Variants in RANBP17 observed in about 807,000 individuals in gnomAD.
RANBP17 encodes the protein RAN binding protein 17.
RANBP17 carries 158 observed loss-of-function variants against 141.2 expected under a neutral mutation model. That is an observed-to-expected ratio of 1.12 (90% confidence interval 0.98 to 1.28). The LOEUF (loss-of-function observed/expected upper bound fraction) is 1.28. Among genes scored for constraint, RANBP17 ranks in the 50% most tolerant of loss-of-function variants. The pLI is 0.00. For synonymous variants in RANBP17, 430 were observed against 450.0 expected (o/e 0.96, Z 0.56); for missense variants, 1,438 against 1,290.7 (o/e 1.11, Z -1.75).
intron 14 of RANBP17, among the ~76,000 whole-genome samples, chr5:171,136,790 C>G (rs1395551580): frequency 2.0e-5 from 3 of 152,126 alleles, no homozygotes; most frequent in African/African-American, 7.2e-5. Flanking sequence ...TAATTTTCCG[C>G]TTGATGTACA....
chr5:171,006,393 A>G (rs1480355806), intron 14 of RANBP17, among the ~76,000 whole-genome samples: 1 of 152,232 alleles, frequency 6.6e-6, no homozygotes, highest in Non-Finnish European at 1.5e-5. Context: ...TGGCACATAT[A>G]CACCATGGAA....
At chr5:171,294,394 C>G (rs911913981) in intron 26 of RANBP17, among the ~76,000 whole-genome samples, 11 of 152,176 alleles carry the variant, frequency 7.2e-5, no homozygotes, top group African/African-American at 2.7e-4. Flanking sequence ...CCTCACAGAA[C>G]CAGCACCCTT....
chr5:171,005,677 G>A (rs1779547130), intron 14 of RANBP17, among the ~76,000 whole-genome samples: 1 of 152,186 alleles, frequency 6.6e-6, no homozygotes, highest in Admixed American at 6.5e-5. Flanking sequence ...TCAGGATATA[G>A]GCATGGGCAA....
At chr5:171,271,963 T>C (rs1767143089) in intron 25 of RANBP17, among the ~76,000 whole-genome samples, 1 of 152,224 alleles carries the variant, frequency 6.6e-6, no homozygotes, top group African/African-American at 2.4e-5. Context: ...CAGTGGTTGA[T>C]GGGATAGAAA....
chr5:171,288,123 T>C (rs1404309450), intron 25 of RANBP17, among the ~76,000 whole-genome samples: 1 of 152,198 alleles, frequency 6.6e-6, no homozygotes, highest in Non-Finnish European at 1.5e-5. Flanking sequence ...CAGTGGACCA[T>C]TTTCCAGAGA....
intron 5 of RANBP17, among the ~76,000 whole-genome samples, chr5:170,907,437 G>A (rs1422157): frequency 0.6 from 91,193 of 151,764 alleles, 29,172 homozygotes; most frequent in South Asian, 0.9. Context: ...AAACTTCTTA[G>A]CTTCTTTAAA....
intron 14 of RANBP17, chr5:170,968,793 T>C: frequency 2.2e-6 from 1 of 448,658 alleles, no homozygotes; most frequent in Admixed American, 2.4e-5. Flanking sequence ...TAATGAGGAC[T>C]AGGAAAATTA....
At chr5:171,018,868 A>AT (rs1780638153) in intron 14 of RANBP17, among the ~76,000 whole-genome samples, 1 of 152,210 alleles carries the variant, frequency 6.6e-6, no homozygotes, top group Admixed American at 6.5e-5. Context: ...GCTTTTGCCC[A>AT]TTCAGTATGA....
At chr5:170,867,667 AT>A (rs1767374189) in intron 1 of RANBP17, among the ~76,000 whole-genome samples, 1 of 152,208 alleles carries the variant, frequency 6.6e-6, no homozygotes, top group Non-Finnish European at 1.5e-5. Context: ...ATTGAAGAGG[AT>A]TTTTGTGGCT....
rs761403403 is a variant in RANBP17, at chr5:170,896,030, C to A, written c.424-20C>A. ...ATCACTTGTCTCCACTTAGGCTAAA[C>A]TTTGTTATTTTCTCCAAAGGGTACT... On this transcript the variant is annotated intron_variant, in intron 4 of 27. Transcript: ENST00000523189. 6.5e-7 allele frequency: 1 copy of A among 1,541,844 alleles called. No individual in the cohort carries two copies. Among genetic ancestry groups the A allele is most frequent in the Admixed American group, 1.9e-5 (1 of 52,010 alleles).
At chr5:171,099,431 G>A (rs1190119679) in intron 14 of RANBP17, among the ~76,000 whole-genome samples, 2 of 152,138 alleles carry the variant, frequency 1.3e-5, no homozygotes, top group Non-Finnish European at 1.5e-5. Context: ...AGGAATGCTC[G>A]TGATTTTCGC....
At chr5:171,246,972 A>G (rs1765249227) in intron 24 of RANBP17, among the ~76,000 whole-genome samples, 1 of 152,204 alleles carries the variant, frequency 6.6e-6, no homozygotes, top group Non-Finnish European at 1.5e-5. Context: ...GGGCAGAAAC[A>G]GTGTCTTACT....
chr5:171,056,883 G>T (rs558931896), intron 14 of RANBP17, among the ~76,000 whole-genome samples: 2 of 152,054 alleles, frequency 1.3e-5, no homozygotes, highest in Non-Finnish European at 2.9e-5. Context: ...CAACCAATCG[G>T]TCTCTTTTCT....
chr5:171,125,353 A>G (rs1756365880), intron 14 of RANBP17, among the ~76,000 whole-genome samples: 2 of 151,336 alleles, frequency 1.3e-5, no homozygotes, highest in Non-Finnish European at 2.9e-5. Context: ...CCACACACAC[A>G]GTAACCAAAA....
In RANBP17 at chr5:170,923,996, C is replaced by G. The variant is rs78024808; in HGVS notation, c.1275-361C>G. 4.8e-3 allele frequency among the ~76,000 whole-genome samples: 722 copies of G among 149,934 alleles called. 17 individuals are homozygous for G. Among genetic ancestry groups the G allele is most frequent in the Admixed American group, 0.038 (579 of 15,062 alleles). Reference sequence around the variant, plus strand: ...TTCTATTTTATTTTTTATTTCTTTTCTTTTTTCTTTTTTTTTTTAGAGACA... The same window carrying G: ...TTCTATTTTATTTTTTATTTCTTTTGTTTTTTCTTTTTTTTTTTAGAGACA... On this transcript the variant is annotated intron_variant, in intron 11 of 27. Transcript: ENST00000523189.
chr5:171,276,130 A>C (rs1350891257), intron 25 of RANBP17, among the ~76,000 whole-genome samples: 1 of 152,236 alleles, frequency 6.6e-6, no homozygotes, highest in Non-Finnish European at 1.5e-5. Flanking sequence ...GTGAAAGGTC[A>C]AAGAGGCAGT....
At chr5:171,188,305 C>G (rs750056539) in intron 18 of RANBP17, among the ~76,000 whole-genome samples, 10 of 152,256 alleles carry the variant, frequency 6.6e-5, no homozygotes, top group Non-Finnish European at 1.0e-4. Context: ...AACTGAGTGA[C>G]AGCTTTTCGT....
chr5:171,155,259 G>C (rs1758820322), intron 14 of RANBP17, among the ~76,000 whole-genome samples: 1 of 151,250 alleles, frequency 6.6e-6, no homozygotes, highest in Non-Finnish European at 1.5e-5. Context: ...CCAAAAAGAG[G>C]ATAATCCAAG....
At chr5:171,001,406 C>T (rs570371398) in intron 14 of RANBP17, among the ~76,000 whole-genome samples, 111 of 152,262 alleles carry the variant, frequency 7.3e-4, no homozygotes, top group African/African-American at 2.1e-3. Context: ...AATTAGAGAG[C>T]GTCCAAGGGG....
Sources: allele counts gnomAD v4.1 joint callset (sites outside exome capture counted in the v4.1 genomes callset), GRCh38; gene constraint gnomAD v4.1.1; transcripts MANE v1.5; gene names NCBI Gene and HGNC (gene_info 2026-07-23, HGNC 2026-07-21).